The following TESC variants were observed in gnomAD, a reference collection of about 807,000 sequenced individuals.
The protein encoded by TESC is calcineurin B homologous protein 3.
In TESC, 19 loss-of-function variants were observed where a neutral mutation model predicts 31.0. That is an observed-to-expected ratio of 0.61 (90% CI 0.43 to 0.90). TESC has a LOEUF of 0.90. Among genes scored for constraint, TESC ranks in the 40% least tolerant of loss-of-function variants. TESC has a pLI of 0.00. For synonymous variants in TESC, 109 were observed against 114.8 expected, an observed-to-expected ratio of 0.95 and a Z score of 0.32; for missense variants, 248 against 303.8, an observed-to-expected ratio of 0.82 and a Z score of 1.36.
chr12:117,094,186 G>GA (rs1239405597), intron 1 of TESC, among the ~76,000 whole-genome samples: 1 of 152,208 alleles, frequency 6.6e-6, no homozygotes, highest in Non-Finnish European at 1.5e-5. Context: ...TCTTGGCTCA[G>GA]AAAAGATTCC....
At chr12:117,052,906 C>A (rs1440087897) in intron 3 of TESC, among the ~76,000 whole-genome samples, 1 of 151,750 alleles carries the variant, frequency 6.6e-6, no homozygotes, top group East Asian at 1.9e-4. Context: ...CAAATCAGAG[C>A]CTGTTGTTCC....
At chr12:117,079,149 CT>C (rs754832852) in intron 1 of TESC, among the ~76,000 whole-genome samples, 2 of 152,056 alleles carry the variant, frequency 1.3e-5, no homozygotes, top group Admixed American at 6.6e-5. Flanking sequence ...GTTTTGTTTT[CT>C]TTTTTTTATT....
rs1954488339 is a variant in TESC, at chr12:117,041,870, G to T, written c.567+77C>A. ...TGTCCCTTGCTACTGCAGGTAAAGA[G>T]CCATGTCCCCTCCTGACCAGTGGGC... On this transcript the variant is annotated intron_variant, in intron 7 of 7. Coordinates refer to ENST00000335209, the MANE Select transcript of TESC (RefSeq NM_017899.4). 3 of 1,436,584 alleles carry T rather than the reference G, an allele frequency of 2.1e-6. No individual in the cohort carries two copies. The South Asian group carries it at 4.1e-5, about 19-fold the overall frequency. The allele number at this position is 1,436,584 out of a possible 1,614,324, so 89.0% of individuals were successfully genotyped here.
At chr12:117,086,591 C>T (rs1955222748) in intron 1 of TESC, among the ~76,000 whole-genome samples, 1 of 151,544 alleles carries the variant, frequency 6.6e-6, no homozygotes, top group South Asian at 2.1e-4. Context: ...CACCACAGCA[C>T]CCAGCTAATT....
intron 3 of TESC, among the ~76,000 whole-genome samples, chr12:117,050,711 T>C (rs984587297): frequency 6.6e-6 from 1 of 152,176 alleles, no homozygotes; most frequent in African/African-American, 2.4e-5. Flanking sequence ...GGCAGGCCAA[T>C]TGCTTGGGCT....
At position 117,042,142 on chromosome 12, in the gene TESC, C is replaced by T. The variant is rs1954493601; in HGVS notation, c.520-148G>A. 16 of 766,424 alleles carry T rather than the reference C, an allele frequency of 2.1e-5. No homozygotes were observed. The East Asian group carries it at 2.8e-4, about 14-fold the overall frequency. 47.5% of individuals were successfully genotyped at this position (766,424 alleles called of 1,614,324 possible). A position where few individuals can be genotyped will look rare whatever the true frequency, so the allele number is the denominator to read the frequency against. On this transcript the variant is annotated intron_variant, in intron 6 of 7. Transcript: ENST00000335209. Reference sequence around the variant, plus strand: ...GGGAGGAATCACAAGAAGAGGAGAACGTTCTGGATCGTCTGCCTCCAGCAT... The same window carrying T: ...GGGAGGAATCACAAGAAGAGGAGAATGTTCTGGATCGTCTGCCTCCAGCAT...
chr12:117,089,509 T>C (rs11068326), intron 1 of TESC, among the ~76,000 whole-genome samples: 22,774 of 152,156 alleles, frequency 0.15, 1,830 homozygotes, highest in Middle Eastern at 0.21. Flanking sequence ...AGAGACTATA[T>C]AGTAGGCTTT....
At chr12:117,075,913 A>ATATATATATATATATATGTGTG (rs1265957613) in intron 1 of TESC, among the ~76,000 whole-genome samples, 5 of 51,952 alleles carry the variant, frequency 9.6e-5, no homozygotes, top group East Asian at 9.3e-4. Flanking sequence ...ATATATATAT[A>ATATATATATATATATATGTGTG]TGTGTGTGTG....
At chr12:117,055,531 C>T (rs1232339616) in intron 3 of TESC, among the ~76,000 whole-genome samples, 2 of 152,238 alleles carry the variant, frequency 1.3e-5, no homozygotes, top group Non-Finnish European at 2.9e-5. Context: ...CATCCCTGTG[C>T]TGTCCCCTCA....
At chr12:117,085,415 C>T (rs957770708) in intron 1 of TESC, among the ~76,000 whole-genome samples, 11 of 152,032 alleles carry the variant, frequency 7.2e-5, no homozygotes, top group Non-Finnish European at 2.9e-5. Context: ...GGGTGAGGGT[C>T]GGGAAGGCAG....
At chr12:117,075,785 C>T (rs1955044305) in intron 1 of TESC, among the ~76,000 whole-genome samples, 1 of 147,630 alleles carries the variant, frequency 6.8e-6, no homozygotes, top group South Asian at 2.1e-4. Flanking sequence ...CCACCTTGGC[C>T]TCCTGGGTAG....
chr12:117,059,819 T>C (rs1040977643), intron 2 of TESC, among the ~76,000 whole-genome samples: 7 of 152,232 alleles, frequency 4.6e-5, no homozygotes, highest in African/African-American at 1.7e-4. Flanking sequence ...CTCAAACTCC[T>C]GACCTCAGGT....
intron 6 of TESC, among the ~76,000 whole-genome samples, chr12:117,045,605 C>G (rs563276884): frequency 6.6e-6 from 1 of 152,206 alleles, no homozygotes. Context: ...GGAAACCAAC[C>G]GACCACAGCC....
intron 6 of TESC, among the ~76,000 whole-genome samples, chr12:117,045,972 T>C (rs1954551658): frequency 1.3e-5 from 2 of 152,206 alleles, no homozygotes; most frequent in Non-Finnish European, 2.9e-5. Flanking sequence ...GGATTCTCTA[T>C]GCTCTCTGAG....
At chr12:117,061,050 T>C (rs1053556774) in intron 2 of TESC, among the ~76,000 whole-genome samples, 1 of 152,110 alleles carries the variant, frequency 6.6e-6, no homozygotes, top group Non-Finnish European at 1.5e-5. Flanking sequence ...GCTACCTGGG[T>C]CAAACGGCGT....
chr12:117,044,998 G>A (rs1004814324), intron 6 of TESC, among the ~76,000 whole-genome samples: 3 of 152,206 alleles, frequency 2.0e-5, no homozygotes, highest in African/African-American at 4.8e-5. Flanking sequence ...TGTCTTTGGC[G>A]GATGGCACGG....
chr12:117,058,565 TAAA>T (rs10637829), intron 2 of TESC, among the ~76,000 whole-genome samples: 3 of 113,322 alleles, frequency 2.6e-5, no homozygotes, highest in African/African-American at 3.2e-5. Flanking sequence ...GTAAAGCTGT[TAAA>T]AAAAAAAAAA....
chr12:117,097,254 G>A (rs1251789459), intron 1 of TESC, among the ~76,000 whole-genome samples: 1 of 152,200 alleles, frequency 6.6e-6, no homozygotes, highest in Non-Finnish European at 1.5e-5. Flanking sequence ...TCTCCCTTGG[G>A]TTATGAAGTC....
At chr12:117,075,220 A>G (rs749361588) in intron 2 of TESC, 51 bp downstream of exon 2, 3 of 1,573,384 alleles carry the variant, frequency 1.9e-6, no homozygotes, top group Non-Finnish European at 2.6e-6. Context: ...AGGACAAGAA[A>G]TTTGCAAGGG....
Sources: allele counts gnomAD v4.1 joint callset (sites outside exome capture counted in the v4.1 genomes callset), GRCh38; gene constraint gnomAD v4.1.1; transcripts MANE v1.5; gene names NCBI Gene and HGNC (gene_info 2026-07-23, HGNC 2026-07-21).